Variants in ROBO2 observed in about 807,000 individuals in gnomAD.
ROBO2 encodes the protein roundabout homolog 2.
A neutral mutation model predicts 160.8 loss-of-function variants in ROBO2; 53 were observed. The observed-to-expected ratio is 0.33, with a 90% confidence interval of 0.26 to 0.41. The LOEUF is 0.41. Ranked by LOEUF, ROBO2 falls within the 10% of genes least tolerant of loss-of-function variation. The pLI is 1.00. For synonymous variants in ROBO2, 664 were observed against 611.7 expected, an observed-to-expected ratio of 1.09 and a Z score of -1.26; for missense variants, 1,577 against 1,722.4, an observed-to-expected ratio of 0.92 and a Z score of 1.49.
intron 2 of ROBO2, among the ~76,000 whole-genome samples, chr3:76,844,091 G>A (rs1318039637): frequency 1.3e-5 from 2 of 151,898 alleles, no homozygotes; most frequent in African/African-American, 2.4e-5. Flanking sequence ...GCTAAGGGAC[G>A]TTGGCATCTG....
At chr3:76,561,773 G>T (rs995439748) in intron 2 of ROBO2, among the ~76,000 whole-genome samples, 1 of 152,034 alleles carries the variant, frequency 6.6e-6, no homozygotes, top group Non-Finnish European at 1.5e-5. Flanking sequence ...ATTACTCTTT[G>T]ATGCGGTCCT....
intron 2 of ROBO2, among the ~76,000 whole-genome samples, chr3:76,868,815 G>C (rs991926873): frequency 4.0e-5 from 6 of 150,550 alleles, no homozygotes; most frequent in African/African-American, 1.5e-4. Flanking sequence ...TAAATAACAC[G>C]TATTGTGCTA....
chr3:76,716,095 A>ATT (rs35881524), intron 2 of ROBO2, among the ~76,000 whole-genome samples: 1 of 151,952 alleles, frequency 6.6e-6, no homozygotes, highest in Non-Finnish European at 1.5e-5. Flanking sequence ...TAAGTTATGA[A>ATT]TTTTTTGGTA....
chr3:76,552,654 T>C (rs1256890153), intron 2 of ROBO2, among the ~76,000 whole-genome samples: 2 of 152,196 alleles, frequency 1.3e-5, no homozygotes, highest in African/African-American at 4.8e-5. Flanking sequence ...TATAGTGTAG[T>C]GTGGAAACTA....
intron 6 of ROBO2, 152 bp from the exon 8 acceptor site, chr3:77,546,185 CT>C (rs1559585041): frequency 1.2e-6 from 1 of 865,532 alleles, no homozygotes; most frequent in Non-Finnish European, 1.8e-6. Context: ...TAATGTCTTT[CT>C]TTTTGTGTTT....
chr3:76,548,865 A>G (rs2083261128), intron 2 of ROBO2, among the ~76,000 whole-genome samples: 1 of 152,140 alleles, frequency 6.6e-6, no homozygotes, highest in Non-Finnish European at 1.5e-5. Flanking sequence ...CCGTGGGAAG[A>G]GTTCATAAAC....
At chr3:76,560,157 T>G (rs541730701) in intron 2 of ROBO2, among the ~76,000 whole-genome samples, 2 of 152,186 alleles carry the variant, frequency 1.3e-5, no homozygotes, top group Admixed American at 1.3e-4. Flanking sequence ...TGCTTGATAT[T>G]GTCCACCCAA....
In ROBO2 at chr3:76,525,886, A is replaced by C. The variant is rs560222781; in HGVS notation, c.110-572128A>C. Among the ~76,000 whole-genome samples the C allele has an allele frequency of 4.6e-5, 7 of 152,096 alleles. 1 individual carries two copies. In the South Asian group the frequency reaches 1.4e-3, roughly 32 times the overall value. On this transcript the variant is annotated intron_variant, in intron 2 of 26. Transcript: ENST00000487694. ...AAGTAGACACTTTACCGCAGAAAAA[A>C]ATATATATAGTAGGATTCCATTTAG... is the stretch of plus-strand genomic sequence containing the variant.
chr3:76,881,393 A>G (rs146816159), intron 2 of ROBO2, among the ~76,000 whole-genome samples: 136 of 152,328 alleles, frequency 8.9e-4, no homozygotes, highest in African/African-American at 3.1e-3. Context: ...CAGGGTCCTT[A>G]GAAATACACT....
intron 2 of ROBO2, among the ~76,000 whole-genome samples, chr3:76,722,279 G>T (rs1234627790): frequency 6.6e-6 from 1 of 151,948 alleles, no homozygotes; most frequent in Non-Finnish European, 1.5e-5. Context: ...TGCCACCCAC[G>T]CCTGGCTAAT....
chr3:76,329,149 C>A (rs967330322), intron 2 of ROBO2, among the ~76,000 whole-genome samples: 3 of 152,050 alleles, frequency 2.0e-5, no homozygotes, highest in Non-Finnish European at 4.4e-5. Flanking sequence ...TACCCCAAGT[C>A]CCCCACGGAG....
chr3:77,371,383 G>A (rs974714285), intron 2 of ROBO2, among the ~76,000 whole-genome samples: 21 of 151,916 alleles, frequency 1.4e-4, no homozygotes, highest in Admixed American at 1.2e-3. Context: ...TCTCTTCTCC[G>A]TTCTCCTGCC....
At chr3:77,122,873 A>C (rs1417243749) in intron 2 of ROBO2, among the ~76,000 whole-genome samples, 1 of 152,186 alleles carries the variant, frequency 6.6e-6, no homozygotes, top group Non-Finnish European at 1.5e-5. Flanking sequence ...CCTAGTTCAC[A>C]CTAATGGTGT....
At chr3:76,312,171 C>G (rs1414018050) in intron 2 of ROBO2, among the ~76,000 whole-genome samples, 1 of 152,114 alleles carries the variant, frequency 6.6e-6, no homozygotes, top group East Asian at 1.9e-4. Flanking sequence ...TTTCTGGACA[C>G]TGTTTGTATG....
chr3:77,019,621 G>T (rs537222663), intron 2 of ROBO2, among the ~76,000 whole-genome samples: 9 of 152,254 alleles, frequency 5.9e-5, no homozygotes, highest in African/African-American at 2.2e-4. Context: ...GGAATTCCAT[G>T]AAAGGAAATG....
intron 2 of ROBO2, among the ~76,000 whole-genome samples, chr3:76,018,200 T>C (rs920860379): frequency 5.9e-5 from 9 of 151,956 alleles, no homozygotes; most frequent in African/African-American, 2.2e-4. Context: ...ATCTCAAAAT[T>C]GGCCTCAAAA....
chr3:76,689,518 A>G (rs1255046866), intron 2 of ROBO2, among the ~76,000 whole-genome samples: 1 of 152,132 alleles, frequency 6.6e-6, no homozygotes, highest in East Asian at 1.9e-4. Context: ...TTTGAAATAT[A>G]CAATAAATTA....
At chr3:76,686,522 A>C (rs1169175980) in intron 2 of ROBO2, among the ~76,000 whole-genome samples, 2 of 148,698 alleles carry the variant, frequency 1.3e-5, no homozygotes, top group African/African-American at 2.6e-5. Flanking sequence ...GCAAATAAAT[A>C]TACCAGTTTT....
At chr3:77,542,241 C>G (rs922152812) in intron 6 of ROBO2, among the ~76,000 whole-genome samples, 11 of 152,168 alleles carry the variant, frequency 7.2e-5, no homozygotes, top group Non-Finnish European at 1.5e-5. Flanking sequence ...CTAGGGCAGA[C>G]AGAGAGTCTA....
Sources: gnomAD v4.1 joint callset for allele counts (sites outside exome capture counted in the v4.1 genomes callset) on GRCh38, gnomAD v4.1.1 for gene constraint, MANE v1.5 for transcripts, NCBI Gene and HGNC (gene_info 2026-07-23, HGNC 2026-07-21) for gene names.